PARD3: variants seen among roughly 807,000 people sequenced by gnomAD.
PARD3 encodes the protein partitioning defective 3 homolog.
Under a neutral mutation model 155.4 loss-of-function variants are expected in PARD3, and 75 were observed. That is an observed-to-expected ratio of 0.48 (90% CI 0.40 to 0.58). PARD3 has a LOEUF of 0.58. Among genes scored for constraint, PARD3 ranks in the 20% least tolerant of loss-of-function variants. PARD3 has a pLI of 0.00. For missense variants in PARD3, 1,642 were observed against 1,721.7 expected (o/e 0.95, Z 0.82); for synonymous variants, 576 against 610.5 (o/e 0.94, Z 0.83).
chr10:34,772,578 G>A (rs924324105), intron 1 of PARD3, among the ~76,000 whole-genome samples: 1 of 151,384 alleles, frequency 6.6e-6, no homozygotes, highest in African/African-American at 2.4e-5. Flanking sequence ...GATTACTTGA[G>A]CTCAGGAGTT....
At chr10:34,135,418 C>A (rs1947842166) in intron 22 of PARD3, among the ~76,000 whole-genome samples, 1 of 152,310 alleles carries the variant, frequency 6.6e-6, no homozygotes, top group African/African-American at 2.4e-5. Context: ...CCTAGGATCA[C>A]ACACTACAGA....
intron 1 of PARD3, among the ~76,000 whole-genome samples, chr10:34,716,563 C>T (rs1564539819): frequency 1.4e-5 from 2 of 145,898 alleles, no homozygotes; most frequent in East Asian, 2.1e-4. Context: ...CCATGGGCTA[C>T]GTGTGGCCCA....
At chr10:34,539,262 T>G (rs1010747115) in intron 2 of PARD3, among the ~76,000 whole-genome samples, 7 of 152,214 alleles carry the variant, frequency 4.6e-5, no homozygotes, top group African/African-American at 1.4e-4. Context: ...GACTAGCTCA[T>G]GAGGACTCTT....
intron 22 of PARD3, among the ~76,000 whole-genome samples, chr10:34,185,766 G>T (rs1229304894): frequency 2.0e-5 from 3 of 151,074 alleles, no homozygotes; most frequent in Non-Finnish European, 4.4e-5. Flanking sequence ...AGGACCCTGA[G>T]TAGGCAGCCA....
chr10:34,555,099 A>G (rs1435883792), intron 2 of PARD3, among the ~76,000 whole-genome samples: 4 of 152,214 alleles, frequency 2.6e-5, no homozygotes, highest in Admixed American at 6.5e-5. Flanking sequence ...GTGAACCCTC[A>G]CGTCAGTTAT....
intron 14 of PARD3, among the ~76,000 whole-genome samples, chr10:34,355,945 AACAAAACAAAACC>A (rs1838805412): frequency 2.4e-5 from 3 of 124,214 alleles, no homozygotes; most frequent in African/African-American, 1.4e-4. Context: ...AAAAAAAAAA[AACAAAACAAAACC>A]AAACAAAAAA....
rs11009751 is a variant in PARD3 at position 34,356,172 on chromosome 10, C to A, written c.2067+2975G>T. Among the ~76,000 whole-genome samples, 429 of 152,222 alleles carry A rather than the reference C, an allele frequency of 2.8e-3. 2 individuals carry two copies. Among genetic ancestry groups the A allele is most frequent in the African/African-American group, 9.8e-3 (406 of 41,532 alleles). On this transcript the variant is annotated intron_variant, in intron 14 of 24. Coordinates refer to ENST00000374788, the MANE Select transcript of PARD3 (RefSeq NM_001184785.2). ...AAGAAATAGCTCCCAGAGAATGTCT[C>A]CAATGTGCCCTGTCGCGACTAATGT...
intron 1 of PARD3, among the ~76,000 whole-genome samples, chr10:34,759,557 A>ACATTCCGAT (rs1360551339): frequency 6.6e-6 from 1 of 152,256 alleles, no homozygotes; most frequent in East Asian, 1.9e-4. Context: ...TAGCAATCAA[A>ACATTCCGAT]CATTCCGATT....
intron 3 of PARD3, among the ~76,000 whole-genome samples, chr10:34,509,254 G>T (rs897802771): frequency 4.6e-5 from 7 of 152,056 alleles, no homozygotes; most frequent in African/African-American, 4.8e-5. Context: ...AGCATGCAAA[G>T]ACCTTCCGAG....
At chr10:34,287,950 C>A (rs949794064) in intron 20 of PARD3, among the ~76,000 whole-genome samples, 5 of 152,144 alleles carry the variant, frequency 3.3e-5, no homozygotes, top group Admixed American at 6.5e-5. Flanking sequence ...GTGGCTCATG[C>A]CTGCAATCCC....
At chr10:34,508,365 A>G (rs527707180) in intron 3 of PARD3, among the ~76,000 whole-genome samples, 14 of 152,318 alleles carry the variant, frequency 9.2e-5, no homozygotes, top group African/African-American at 3.1e-4. Context: ...CCATTTCCAG[A>G]AATTTCACCA....
chr10:34,236,330 TC>T (rs1953231803), intron 22 of PARD3, among the ~76,000 whole-genome samples: 1 of 152,158 alleles, frequency 6.6e-6, no homozygotes, highest in Admixed American at 6.5e-5. Context: ...TATTTCCCAC[TC>T]TTATTCCATT....
chr10:34,622,594 A>G (rs547706777), intron 2 of PARD3, among the ~76,000 whole-genome samples: 25 of 152,324 alleles, frequency 1.6e-4, no homozygotes, highest in African/African-American at 5.5e-4. Flanking sequence ...CAAGATTATC[A>G]ATTCCAGTTA....
intron 2 of PARD3, among the ~76,000 whole-genome samples, chr10:34,577,098 G>A (rs898645002): frequency 5.9e-5 from 9 of 152,152 alleles, no homozygotes; most frequent in South Asian, 2.1e-4. Flanking sequence ...GAATACTAAT[G>A]ACTAGGCAAA....
chr10:34,535,980 GTTA>G (rs2083199387), intron 2 of PARD3, among the ~76,000 whole-genome samples: 2 of 152,118 alleles, frequency 1.3e-5, no homozygotes, highest in South Asian at 4.1e-4. Flanking sequence ...AGTCAGTACT[GTTA>G]TTAATAGTGT....
At chr10:34,631,197 T>C (rs2092253146) in intron 2 of PARD3, among the ~76,000 whole-genome samples, 1 of 152,160 alleles carries the variant, frequency 6.6e-6, no homozygotes, top group Non-Finnish European at 1.5e-5. Context: ...GCCCATGTGA[T>C]TACCTTTCGG....
intron 5 of PARD3, among the ~76,000 whole-genome samples, chr10:34,408,435 C>T (rs1844719152): frequency 6.6e-6 from 1 of 152,058 alleles, no homozygotes; most frequent in African/African-American, 2.4e-5. Context: ...GCTATGGTAT[C>T]CTAGAGAAAA....
intron 2 of PARD3, among the ~76,000 whole-genome samples, chr10:34,632,015 C>T (rs998813075): frequency 6.6e-5 from 10 of 152,330 alleles, no homozygotes; most frequent in African/African-American, 2.4e-4. Flanking sequence ...GGCAGAGTGG[C>T]TCACGCCTGT....
chr10:34,508,769 T>C (rs1455868341), intron 3 of PARD3, among the ~76,000 whole-genome samples: 1 of 152,210 alleles, frequency 6.6e-6, no homozygotes, highest in Non-Finnish European at 1.5e-5. Context: ...CATTCCAGAA[T>C]ACATGTCCTA....
Sources: gnomAD v4.1 joint callset for allele counts (sites outside exome capture counted in the v4.1 genomes callset) on GRCh38, gnomAD v4.1.1 for gene constraint, MANE v1.5 for transcripts, NCBI Gene and HGNC (gene_info 2026-07-23, HGNC 2026-07-21) for gene names.